Variants in FER1L6 observed in about 807,000 individuals in gnomAD.
FER1L6 encodes the protein fer-1 like family member 6, also known as fer-1-like protein 6.
Under a neutral mutation model 219.2 loss-of-function variants are expected in FER1L6, and 177 were observed. That is an observed-to-expected ratio of 0.81 (90% confidence interval 0.71 to 0.91). FER1L6 has a LOEUF of 0.91. Ranked by LOEUF, FER1L6 falls within the 40% of genes least tolerant of loss-of-function variation. The probability of loss-of-function intolerance (pLI) is 0.00; values close to 1 mark genes in which losing one functional copy is unlikely to be tolerated. For synonymous variants in FER1L6, 768 were observed against 824.3 expected (o/e 0.93, Z 1.17); for missense variants, 2,153 against 2,259.9 (o/e 0.95, Z 0.96).
intron 32 of FER1L6, among the ~76,000 whole-genome samples, chr8:124,078,061 C>T (rs570260607): frequency 8.5e-5 from 13 of 152,266 alleles, no homozygotes; most frequent in South Asian, 2.1e-4. Flanking sequence ...TCCCATCTCC[C>T]CACTAGAATG....
chr8:123,898,854 C>CATATAT (rs1812810083), intron 1 of FER1L6, among the ~76,000 whole-genome samples: 2 of 113,382 alleles, frequency 1.8e-5, no homozygotes, highest in Non-Finnish European at 4.0e-5. Context: ...TATATACACA[C>CATATAT]ACACACACAC....
At position 123,898,848 on chromosome 8, in the gene FER1L6, T is replaced by TAC. The variant is rs147446907; in HGVS notation, c.-8+46683_-8+46684dup. ...GTATATATATATATACATACATATATACACACACACACACACACACATATA... is the reference window on the plus strand; with the variant it reads ...GTATATATATATATACATACATATATACACACACACACACACACACACATATA... On this transcript the variant is annotated intron_variant, in intron 1 of 40. Coordinates refer to ENST00000522917, the MANE Select transcript of FER1L6 (RefSeq NM_001039112.2). Among the ~76,000 whole-genome samples the TAC allele has an allele frequency of 8.1e-3, 1,157 of 143,254 alleles. 7 individuals are homozygous for TAC. Among genetic ancestry groups the TAC allele is most frequent in the African/African-American group, 0.015 (570 of 38,776 alleles). 94.0% of individuals were successfully genotyped at this position (143,254 alleles called of 152,430 possible).
Position 123,880,936 on chromosome 8 carries a change from A to G in FER1L6, c.-8+28751A>G, listed in dbSNP as rs544025797. Among the ~76,000 whole-genome samples the G allele has an allele frequency of 3.0e-4, 46 of 152,272 alleles. 3 individuals carry two copies. In the South Asian group the frequency reaches 9.1e-3, roughly 30 times the overall value. On this transcript the variant is annotated intron_variant, in intron 1 of 40. Coordinates refer to ENST00000522917, the MANE Select transcript of FER1L6 (RefSeq NM_001039112.2). ...GGGCTAGAACCTCCCCTGGCCTTTT[A>G]CTTGATGCAGTGCAAGCTGAGCTTT...
intron 6 of FER1L6, among the ~76,000 whole-genome samples, chr8:123,972,562 G>A (rs1815865923): frequency 1.3e-5 from 2 of 152,184 alleles, no homozygotes; most frequent in Admixed American, 1.3e-4. Flanking sequence ...TGCAGTGATA[G>A]GGAGGTCGCT....
In FER1L6 at chr8:123,904,222, A is replaced by ATT. The variant is rs1171457260; in HGVS notation, c.-7-51768_-7-51767dup. Among the ~76,000 whole-genome samples, 5 of 66,392 alleles carry ATT rather than the reference A, an allele frequency of 7.5e-5. 1 individual carries two copies. The highest frequency in any genetic ancestry group is 4.1e-4 in the Admixed American group (3 of 7,382). The allele number at this position is 66,392 out of a possible 152,430, so 43.6% of individuals were successfully genotyped here. On this transcript the variant is annotated intron_variant, in intron 1 of 40. Transcript: ENST00000522917. The stretch of plus-strand genomic sequence containing the variant: ...GCATATTTTAGAATAAACTCTGTAT[A>ATT]TTTGTGTGTGTGTGTGTGTGTGTGT...
chr8:124,015,170 T>C (rs1345955016), intron 15 of FER1L6, among the ~76,000 whole-genome samples: 1 of 152,066 alleles, frequency 6.6e-6, no homozygotes, highest in Non-Finnish European at 1.5e-5. Context: ...CTCCCATGCC[T>C]AGTCTTGGAA....
At chr8:123,972,499 C>T (rs1373578497) in intron 6 of FER1L6, among the ~76,000 whole-genome samples, 1 of 152,176 alleles carries the variant, frequency 6.6e-6, no homozygotes, top group Non-Finnish European at 1.5e-5. Context: ...GTGCCAGAAT[C>T]CTTCTCCTCT....
intron 39 of FER1L6, among the ~76,000 whole-genome samples, chr8:124,107,638 G>T (rs936950058): frequency 1.3e-5 from 2 of 152,122 alleles, no homozygotes; most frequent in Non-Finnish European, 2.9e-5. Context: ...GGTATGTCAG[G>T]TTATTATAGT....
At position 123,940,171 on chromosome 8, in the gene FER1L6, G is replaced by C. The variant is rs1814177101; in HGVS notation, c.-7-15821G>C. On this transcript the variant is annotated intron_variant, in intron 1 of 40. Coordinates refer to ENST00000522917, the MANE Select transcript of FER1L6 (RefSeq NM_001039112.2). ...AAGGAAACACTCTGTGACTAAGGCT[G>C]TAGGTGGGATAACAATTGTAGACAC... Among the ~76,000 whole-genome samples the C allele has an allele frequency of 2.0e-5, 3 of 152,294 alleles. No individual in the cohort carries two copies. The East Asian group carries it at 5.8e-4, about 29-fold the overall frequency.
chr8:123,864,363 G>T (rs1364112565), intron 1 of FER1L6, among the ~76,000 whole-genome samples: 2 of 148,774 alleles, frequency 1.3e-5, no homozygotes, highest in Non-Finnish European at 3.0e-5. Context: ...TAGTCTGATG[G>T]GCTTCCCTTT....
chr8:123,897,916 T>C (rs1445735404), intron 1 of FER1L6, among the ~76,000 whole-genome samples: 1 of 152,154 alleles, frequency 6.6e-6, no homozygotes, highest in African/African-American at 2.4e-5. Context: ...AACTCAGCTG[T>C]TGAGGCACAA....
At chr8:123,892,024 G>C (rs1222533659) in intron 1 of FER1L6, among the ~76,000 whole-genome samples, 1 of 152,164 alleles carries the variant, frequency 6.6e-6, no homozygotes, top group East Asian at 1.9e-4. Flanking sequence ...CGAAATAACA[G>C]GGTTTTCTTG....
chr8:123,944,636 C>T (rs886129339), intron 1 of FER1L6, among the ~76,000 whole-genome samples: 4 of 152,048 alleles, frequency 2.6e-5, no homozygotes, highest in Non-Finnish European at 5.9e-5. Context: ...TATTTGATAC[C>T]CATCTTACAG....
chr8:123,876,076 T>C (rs1367100405), intron 1 of FER1L6, among the ~76,000 whole-genome samples: 5 of 152,184 alleles, frequency 3.3e-5, no homozygotes, highest in African/African-American at 1.2e-4. Flanking sequence ...CAACTCAAGA[T>C]CTGTTCACAC....
chr8:124,017,990 T>C (rs559294003), intron 16 of FER1L6, among the ~76,000 whole-genome samples: 1 of 152,348 alleles, frequency 6.6e-6, no homozygotes, highest in African/African-American at 2.4e-5. Context: ...TCATATTTTG[T>C]TAAAGGCGGT....
At chr8:124,118,438 T>A (rs1823337788) in intron 39 of FER1L6, among the ~76,000 whole-genome samples, 1 of 152,236 alleles carries the variant, frequency 6.6e-6, no homozygotes, top group Non-Finnish European at 1.5e-5. Context: ...GGGGCCACTG[T>A]CACCAGTTTC....
chr8:123,907,606 C>T (rs942925857), intron 1 of FER1L6, among the ~76,000 whole-genome samples: 2 of 150,920 alleles, frequency 1.3e-5, no homozygotes, highest in Non-Finnish European at 3.0e-5. Context: ...TGCTCAGTAT[C>T]GAGGAGAAAT....
intron 33 of FER1L6, 47 bp downstream of exon 33, chr8:124,082,505 T>TAC: frequency 6.4e-7 from 1 of 1,568,602 alleles, no homozygotes; most frequent in Non-Finnish European, 8.7e-7. Context: ...GAAGCTGTTG[T>TAC]AGCCTTTAGG....
At chr8:124,013,609 G>A (rs1025104684) in intron 15 of FER1L6, 78 bp downstream of exon 15, 13 of 873,952 alleles carry the variant, frequency 1.5e-5, no homozygotes, top group South Asian at 3.9e-5. Flanking sequence ...GAAAGTCGTC[G>A]ATTTCACATG....
Sources: allele counts gnomAD v4.1 joint callset (sites outside exome capture counted in the v4.1 genomes callset), GRCh38; gene constraint gnomAD v4.1.1; transcripts MANE v1.5; gene names NCBI Gene and HGNC (gene_info 2026-07-23, HGNC 2026-07-21).